DLC1: variants seen among roughly 807,000 people sequenced by gnomAD.
DLC1 encodes rho GTPase-activating protein 7.
A neutral mutation model predicts 140.3 loss-of-function variants in DLC1; 54 were observed. The observed-to-expected ratio is 0.38, with a 90% confidence interval of 0.31 to 0.48. DLC1 has a LOEUF of 0.48. Ranked by LOEUF, DLC1 falls within the 20% of genes least tolerant of loss-of-function variation. The pLI is 0.96. For synonymous variants in DLC1, 986 were observed against 728.1 expected (o/e 1.35, Z -5.70); for missense variants, 2,536 against 1,907.0 (o/e 1.33, Z -6.14).
chr8:13,457,017 A>T lies in DLC1; in HGVS notation c.1023+42032T>A, dbSNP rs192719259. 2.6e-3 allele frequency among the ~76,000 whole-genome samples: 395 copies of T among 152,294 alleles called. 2 individuals carry two copies. Among genetic ancestry groups the T allele is most frequent in the African/African-American group, 8.7e-3 (362 of 41,566 alleles). On this transcript the variant is annotated intron_variant, in intron 2 of 17. Coordinates refer to ENST00000276297, the MANE Select transcript of DLC1 (RefSeq NM_182643.3). ...GAACACAACCTTCATTACCACTTAG[A>T]TAATCTGTATTACATTGACAAATTG...
intron 5 of DLC1, among the ~76,000 whole-genome samples, chr8:13,136,998 C>T (rs1822611383): frequency 6.6e-6 from 1 of 152,242 alleles, no homozygotes; most frequent in Non-Finnish European, 1.5e-5. Context: ...ACATAATAAC[C>T]ATTTATTAAT....
At chr8:13,257,943 A>G (rs1270758070) in intron 5 of DLC1, among the ~76,000 whole-genome samples, 1 of 152,256 alleles carries the variant, frequency 6.6e-6, no homozygotes, top group Non-Finnish European at 1.5e-5. Flanking sequence ...CTAGGAAATT[A>G]TAAGCGGGAA....
At chr8:13,089,172 T>A (rs1329720235) in intron 15 of DLC1, among the ~76,000 whole-genome samples, 1 of 151,666 alleles carries the variant, frequency 6.6e-6, no homozygotes, top group South Asian at 2.1e-4. Flanking sequence ...GGAAGGAGAA[T>A]CACTTGAACC....
chr8:13,327,471 C>A (rs1297778581), intron 4 of DLC1, among the ~76,000 whole-genome samples: 1 of 141,484 alleles, frequency 7.1e-6, no homozygotes, highest in South Asian at 2.3e-4. Flanking sequence ...TTATTTCTGG[C>A]ATTTTTTTTT....
intron 4 of DLC1, among the ~76,000 whole-genome samples, chr8:13,315,713 G>C (rs2117570527): frequency 6.6e-6 from 1 of 152,246 alleles, no homozygotes; most frequent in East Asian, 1.9e-4. Context: ...CCCTCACCCA[G>C]CTTTCCTTTC....
chr8:13,404,825 C>G (rs907272800), intron 2 of DLC1, among the ~76,000 whole-genome samples: 1 of 151,900 alleles, frequency 6.6e-6, no homozygotes, highest in African/African-American at 2.4e-5. Context: ...TGGTGAAACC[C>G]CATCTCTGCT....
At chr8:13,374,780 T>C (rs548602209) in intron 4 of DLC1, among the ~76,000 whole-genome samples, 8 of 152,296 alleles carry the variant, frequency 5.3e-5, no homozygotes, top group Admixed American at 1.3e-4. Context: ...AGACTCCGTC[T>C]TGGGCAGTAT....
intron 5 of DLC1, among the ~76,000 whole-genome samples, chr8:13,231,230 A>G (rs1419462891): frequency 3.3e-5 from 5 of 152,138 alleles, no homozygotes; most frequent in African/African-American, 9.7e-5. Context: ...AAAAAAAAAA[A>G]ATCAAGTGCG....
At chr8:13,253,225 G>T (rs561616178) in intron 5 of DLC1, among the ~76,000 whole-genome samples, 14 of 152,194 alleles carry the variant, frequency 9.2e-5, no homozygotes, top group African/African-American at 3.4e-4. Context: ...TGCAAATTTT[G>T]TAGATAAATT....
intron 2 of DLC1, among the ~76,000 whole-genome samples, chr8:13,457,250 A>G (rs964590022): frequency 6.6e-6 from 1 of 152,232 alleles, no homozygotes; most frequent in East Asian, 1.9e-4. Context: ...GCCACTGTCT[A>G]TTTTGTTGAA....
intron 2 of DLC1, among the ~76,000 whole-genome samples, chr8:13,419,095 C>A (rs963514748): frequency 7.9e-5 from 12 of 152,082 alleles, no homozygotes; most frequent in African/African-American, 2.9e-4. Flanking sequence ...AGTTGCTTAT[C>A]AGCTTAAGGA....
rs140897270 is a variant in DLC1, at chr8:13,532,509, G to C, written c.-125-32313C>G. 2.5e-3 allele frequency among the ~76,000 whole-genome samples: 384 copies of C among 152,352 alleles called. 2 individuals carry two copies. Among genetic ancestry groups the C allele is most frequent in the African/African-American group, 8.9e-3 (370 of 41,572 alleles). On this transcript the variant is annotated intron_variant, in intron 1 of 1. Coordinates refer to the DLC1 transcript ENST00000631382. ...ACAGATAAAGTAACTGAGGCTGAAT[G>C]CTTAACTCACTTGTCAGAGTCCCCA... is the stretch of plus-strand genomic sequence containing the variant.
chr8:13,525,204 A>G (rs1472442943), intron 1 of DLC1, among the ~76,000 whole-genome samples: 1 of 152,232 alleles, frequency 6.6e-6, no homozygotes, highest in African/African-American at 2.4e-5. Context: ...TTGGAGGAAT[A>G]TATCACGATT....
chr8:13,162,307 C>T (rs1467457519), intron 5 of DLC1, among the ~76,000 whole-genome samples: 1 of 126,974 alleles, frequency 7.9e-6, no homozygotes, highest in African/African-American at 3.1e-5. Context: ...TGGTAGTCTA[C>T]AGTTTGTTGT....
chr8:13,088,698 C>G lies in DLC1; in HGVS notation c.4081G>C (p.Glu1361Gln). The change falls in exon 16 of 18, where the codon GAA becomes CAA. Residue 1361 changes from glutamate to glutamine, a missense_variant. Physicochemically the swap from Glu to Gln is conservative, Grantham distance 29. Transcript: ENST00000276297. ...CTCCAAAGCCTCAGAGGGGGTCCTTCGCTCACCTGGAAAGAGGATGTATTT... is the reference window on the plus strand; with the variant it reads ...CTCCAAAGCCTCAGAGGGGGTCCTTGGCTCACCTGGAAAGAGGATGTATTT... ...QAELSYKKVS[E>Q]GPPLRLWRSV... 1 of 1,613,996 alleles carries G rather than the reference C, an allele frequency of 6.2e-7. No individual in the cohort carries two copies. Among genetic ancestry groups the G allele is most frequent in the Non-Finnish European group, 8.5e-7 (1 of 1,179,972 alleles).
intron 1 of DLC1, among the ~76,000 whole-genome samples, chr8:13,581,253 A>G (rs1303342035): frequency 1.3e-5 from 2 of 152,200 alleles, no homozygotes; most frequent in East Asian, 1.9e-4. Context: ...TTTGTTCAAT[A>G]TCAGTGCACT....
intron 4 of DLC1, among the ~76,000 whole-genome samples, chr8:13,387,545 T>C (rs1056949346): frequency 1.3e-5 from 2 of 152,066 alleles, no homozygotes; most frequent in Non-Finnish European, 2.9e-5. Flanking sequence ...ACAGTGACTT[T>C]AGTTTAATGA....
intron 2 of DLC1, among the ~76,000 whole-genome samples, chr8:13,497,923 A>T (rs1585206803): frequency 6.6e-6 from 1 of 152,174 alleles, no homozygotes; most frequent in East Asian, 1.9e-4. Flanking sequence ...ATTTAAACTA[A>T]CTCACGACAC....
chr8:13,441,483 C>G (rs979928851), intron 2 of DLC1, among the ~76,000 whole-genome samples: 10 of 152,222 alleles, frequency 6.6e-5, no homozygotes, highest in Non-Finnish European at 1.0e-4. Flanking sequence ...CCAAAATCTC[C>G]TTAAGCGGAT....
Sources: allele counts gnomAD v4.1 joint callset (sites outside exome capture counted in the v4.1 genomes callset), GRCh38; gene constraint gnomAD v4.1.1; transcripts MANE v1.5; gene names NCBI Gene and HGNC (gene_info 2026-07-23, HGNC 2026-07-21).